Variants in PRELID2 observed in about 807,000 individuals in gnomAD.
PRELID2 encodes PRELI domain containing 2, also known as PRELI domain-containing protein 2.
PRELID2 carries 25 observed loss-of-function variants against 28.4 expected under a neutral mutation model. The ratio of observed to expected loss-of-function variants is 0.88; its 90% CI spans 0.64 to 1.23. The LOEUF (loss-of-function observed/expected upper bound fraction) is 1.23. PRELID2 is among the 50% of genes most tolerant of loss of function. The probability of loss-of-function intolerance (pLI) is 0.00; values close to 1 mark genes in which losing one functional copy is unlikely to be tolerated. For synonymous variants in PRELID2, 76 were observed against 71.6 expected (o/e 1.06, Z -0.31); for missense variants, 201 against 214.4 (o/e 0.94, Z 0.39).
chr5:145,667,877 T>C (rs1350827968), intron 1 of PRELID2, among the ~76,000 whole-genome samples: 2 of 152,126 alleles, frequency 1.3e-5, no homozygotes, highest in Admixed American at 1.3e-4. Flanking sequence ...AGCCACTGTG[T>C]GTATGTGGCT....
At chr5:145,742,395 T>C (rs1449890524) in intron 1 of PRELID2, among the ~76,000 whole-genome samples, 1 of 145,390 alleles carries the variant, frequency 6.9e-6, no homozygotes. Flanking sequence ...CTTGAAATAG[T>C]ACAGAGTTTT....
At chr5:145,640,643 C>CA (rs750960595) in intron 1 of PRELID2, among the ~76,000 whole-genome samples, 2,867 of 73,516 alleles carry the variant, frequency 0.039, 74 homozygotes, top group African/African-American at 0.088. Flanking sequence ...GACTCTGTCT[C>CA]AAAAAAAAAA....
the PRELID2 span, among the ~76,000 whole-genome samples, chr5:145,354,665 C>T: frequency 6.6e-6 from 1 of 152,032 alleles, no homozygotes; most frequent in Non-Finnish European, 1.5e-5. Context: ...ATAATAAAAC[C>T]CACCACATAC....
chr5:145,308,893 A>C, the PRELID2 span, among the ~76,000 whole-genome samples: 1 of 152,146 alleles, frequency 6.6e-6, no homozygotes, highest in Non-Finnish European at 1.5e-5. Flanking sequence ...TTTATTGTAA[A>C]TTAATGGGCA....
chr5:145,574,360 C>G (rs535711838), intron 1 of PRELID2, among the ~76,000 whole-genome samples: 1 of 152,160 alleles, frequency 6.6e-6, no homozygotes, highest in African/African-American at 2.4e-5. Context: ...CCTCCATAAT[C>G]GTAAGATAAT....
chr5:145,824,506 C>G (rs1184232714), intron 1 of PRELID2, among the ~76,000 whole-genome samples: 1 of 147,678 alleles, frequency 6.8e-6, no homozygotes, highest in Non-Finnish European at 1.5e-5. Context: ...AGGGGTTCAT[C>G]ATTTTAACAC....
At chr5:145,440,871 C>G in the PRELID2 span, 1 of 152,068 alleles carries the variant, frequency 6.6e-6, no homozygotes, top group Non-Finnish European at 1.5e-5. Context: ...CGCTTACCCT[C>G]TCTGAACCAT....
In PRELID2 at chr5:145,796,544, T is replaced by C; in HGVS notation, c.372A>G (p.Thr124=). The change falls in exon 5 of 7, where the codon ACA becomes ACG. Residue 124 remains threonine, a synonymous_variant. Coordinates refer to ENST00000683046, the MANE Select transcript of PRELID2 (RefSeq NM_205846.3). ...AAATCCTGCCTCTTTGAATGAACTC[T>C]GTCCTGCAAAAAAAACAAAAAACAC... ...FRESMENPNW[T]EFIQRGRISI... is the part of the protein sequence containing the mutation. 6.3e-7 allele frequency: 1 copy of C among 1,592,086 alleles called. No individual in the cohort carries two copies. The highest frequency in any genetic ancestry group is 8.5e-7 in the Non-Finnish European group (1 of 1,169,600).
At chr5:145,741,315 A>T (rs1163198139) in intron 1 of PRELID2, among the ~76,000 whole-genome samples, 3 of 62,002 alleles carry the variant, frequency 4.8e-5, no homozygotes, top group Non-Finnish European at 8.9e-5. Flanking sequence ...TAATTTATTT[A>T]TAAATAAATT....
At chr5:145,257,703 T>C in the PRELID2 span, among the ~76,000 whole-genome samples, 9 of 152,302 alleles carry the variant, frequency 5.9e-5, no homozygotes, top group East Asian at 1.2e-3. Context: ...ATATTAGAAG[T>C]AGACTTCAAG....
the PRELID2 span, among the ~76,000 whole-genome samples, chr5:145,298,664 C>T: frequency 2.0e-5 from 3 of 152,046 alleles, no homozygotes; most frequent in Non-Finnish European, 4.4e-5. Context: ...TTGACAAATG[C>T]CGGTACGTGT....
chr5:145,681,821 CTAAG>C (rs1382141391), intron 1 of PRELID2, among the ~76,000 whole-genome samples: 30 of 152,254 alleles, frequency 2.0e-4, no homozygotes, highest in Admixed American at 5.9e-4. Flanking sequence ...AGTAACTACA[CTAAG>C]TGAACCATAA....
chr5:145,425,185 T>C, the PRELID2 span, among the ~76,000 whole-genome samples: 3 of 151,950 alleles, frequency 2.0e-5, no homozygotes, highest in Admixed American at 6.6e-5. Flanking sequence ...ATTAAAGAAA[T>C]GCAAATCAAA....
chr5:145,448,995 A>G, the PRELID2 span, among the ~76,000 whole-genome samples: 3 of 152,162 alleles, frequency 2.0e-5, no homozygotes, highest in Non-Finnish European at 2.9e-5. Flanking sequence ...TGAAAAAGCT[A>G]GGGACATATA....
At chr5:145,584,533 C>T (rs1163290852) in intron 1 of PRELID2, among the ~76,000 whole-genome samples, 1 of 152,034 alleles carries the variant, frequency 6.6e-6, no homozygotes, top group East Asian at 1.9e-4. Flanking sequence ...GCAATCCATC[C>T]ATCTGACAAA....
the PRELID2 span, among the ~76,000 whole-genome samples, chr5:145,441,350 C>T: frequency 6.6e-6 from 1 of 152,108 alleles, no homozygotes; most frequent in African/African-American, 2.4e-5. Flanking sequence ...TGTCCATCTA[C>T]ACAGTTAGAT....
intron 1 of PRELID2, among the ~76,000 whole-genome samples, chr5:145,661,821 G>C (rs920572399): frequency 3.3e-5 from 5 of 151,920 alleles, no homozygotes; most frequent in Non-Finnish European, 5.9e-5. Flanking sequence ...GATACTGCTG[G>C]GTGAGTTAGA....
intron 1 of PRELID2, among the ~76,000 whole-genome samples, chr5:145,496,559 T>C (rs866811043): frequency 8.5e-5 from 13 of 152,096 alleles, no homozygotes; most frequent in South Asian, 4.1e-4. Flanking sequence ...AGGACAAGCT[T>C]TGCCTGGACT....
chr5:145,473,089 G>C (rs1752068090), intron 2 of PRELID2: 1 of 152,148 alleles, frequency 6.6e-6, no homozygotes, highest in African/African-American at 2.4e-5. Context: ...AATATACCAT[G>C]AGTATAACAT....
Sources: allele counts gnomAD v4.1 joint callset (sites outside exome capture counted in the v4.1 genomes callset), GRCh38; gene constraint gnomAD v4.1.1; transcripts MANE v1.5; gene names NCBI Gene and HGNC (gene_info 2026-07-23, HGNC 2026-07-21).